SORBS2: variants seen among roughly 807,000 people sequenced by gnomAD.
SORBS2 encodes sorbin and SH3 domain-containing protein 2.
A neutral mutation model predicts 97.7 loss-of-function variants in SORBS2; 46 were observed. The ratio of observed to expected loss-of-function variants is 0.47; its 90% CI spans 0.37 to 0.60. The LOEUF (loss-of-function observed/expected upper bound fraction) is 0.60, where lower values mean the gene tolerates loss of function less well. SORBS2 is among the 20% of genes least tolerant of loss of function. The probability of loss-of-function intolerance (pLI) is 0.00; values close to 1 mark genes in which losing one functional copy is unlikely to be tolerated. For synonymous variants in SORBS2, 476 were observed against 473.4 expected, an observed-to-expected ratio of 1.01 and a Z score of -0.07; for missense variants, 1,316 against 1,282.3, an observed-to-expected ratio of 1.03 and a Z score of -0.40.
intron 5 of SORBS2, 81 bp from the exon 18 acceptor site, chr4:185,627,100 G>T: frequency 8.1e-7 from 1 of 1,235,770 alleles, no homozygotes; most frequent in Non-Finnish European, 1.2e-6. Context: ...GAACGTGCTA[G>T]TGACAATGGC....
chr4:185,782,835 G>C (rs1425843104), intron 1 of SORBS2, among the ~76,000 whole-genome samples: 2 of 152,220 alleles, frequency 1.3e-5, no homozygotes, highest in Non-Finnish European at 2.9e-5. Context: ...TGGGATAGGA[G>C]AGGGCTTGGT....
intron 2 of SORBS2, among the ~76,000 whole-genome samples, chr4:185,723,369 A>T (rs2098531224): frequency 6.6e-6 from 1 of 152,256 alleles, no homozygotes; most frequent in Admixed American, 6.5e-5. Flanking sequence ...TTTAGCTTGC[A>T]TCATGGATCA....
Position 185,587,577 on chromosome 4 carries a change from A to G in SORBS2, c.*50T>C, listed in dbSNP as rs375252999. On this transcript the variant is annotated 3_prime_UTR_variant, in exon 15 of 15. Transcript: ENST00000418609. ...CCCGCGGGGTGTTTCAGGCGCGTTG[A>G]CGCAGGTGCATGGCTGGCAGGCGGC... The G allele has an allele frequency of 5.7e-5, 88 of 1,554,430 alleles. No homozygotes were observed. In the African/African-American group the frequency reaches 1.0e-3, roughly 18 times the overall value.
At chr4:185,709,304 C>CTTT (rs70962587) in intron 2 of SORBS2, among the ~76,000 whole-genome samples, 6 of 96,772 alleles carry the variant, frequency 6.2e-5, no homozygotes, top group East Asian at 3.0e-4. Flanking sequence ...CTGGCCAAAT[C>CTTT]TTTTTTTTTT....
At chr4:185,789,502 A>G (rs1057339204) in intron 1 of SORBS2, among the ~76,000 whole-genome samples, 2 of 150,880 alleles carry the variant, frequency 1.3e-5, no homozygotes, top group South Asian at 4.1e-4. Context: ...TGTGTATTAG[A>G]TAATAGAGTA....
intron 2 of SORBS2, among the ~76,000 whole-genome samples, chr4:185,762,872 T>G (rs972078154): frequency 1.3e-5 from 2 of 152,202 alleles, no homozygotes; most frequent in Non-Finnish European, 1.5e-5. Flanking sequence ...ATATTCAGTA[T>G]TTTTAGTTAA....
At chr4:185,800,548 T>C (rs2099125338) in intron 1 of SORBS2, among the ~76,000 whole-genome samples, 1 of 152,070 alleles carries the variant, frequency 6.6e-6, no homozygotes. Flanking sequence ...CTCTTTGCTG[T>C]CCTCCCTGGG....
At chr4:185,900,318 C>T (rs140829804) in intron 1 of SORBS2, among the ~76,000 whole-genome samples, 1 of 152,304 alleles carries the variant, frequency 6.6e-6, no homozygotes, top group East Asian at 1.9e-4. Context: ...CATACTGACA[C>T]CCAGCAGTGA....
chr4:185,590,544 C>A (rs2095901614), intron 13 of SORBS2, among the ~76,000 whole-genome samples: 1 of 151,958 alleles, frequency 6.6e-6, no homozygotes, highest in Non-Finnish European at 1.5e-5. Context: ...AAATGAGTCC[C>A]AGAAAAATTG....
intron 12 of SORBS2, 53 bp downstream of exon 24, chr4:185,611,727 T>G: frequency 7.1e-7 from 1 of 1,398,746 alleles, no homozygotes; most frequent in Non-Finnish European, 1.0e-6. Context: ...ACACACCGAT[T>G]ATCTTACTTG....
chr4:185,641,328 A>G (rs1205421395), intron 4 of SORBS2, among the ~76,000 whole-genome samples: 1 of 152,220 alleles, frequency 6.6e-6, no homozygotes, highest in Non-Finnish European at 1.5e-5. Flanking sequence ...ATTATCGATA[A>G]CTTTGGAATG....
In SORBS2 at chr4:185,606,680, C is replaced by T. The variant is rs1209354932; in HGVS notation, c.2796+5100G>A. On this transcript the variant is annotated intron_variant, in intron 12 of 14. Transcript: ENST00000418609. The surrounding 1 kb of genome is among the most constrained non-coding windows in gnomAD (Gnocchi z 4.3). ...TGTTTTAGGCAGTTGGGTTTCTCCT[C>T]CTCCTCCTCCTCTTCAATGTGCAGG... The T allele has an allele frequency of 1.0e-6, 1 of 985,054 alleles. No individual in the cohort carries two copies. The highest frequency in any genetic ancestry group is 1.2e-6 in the Non-Finnish European group (1 of 829,808). 61.0% of individuals were successfully genotyped at this position (985,054 alleles called of 1,614,324 possible). A position where few individuals can be genotyped will look rare whatever the true frequency, so the allele number is the denominator to read the frequency against.
intron 4 of SORBS2, among the ~76,000 whole-genome samples, chr4:185,642,956 C>G (rs574269324): frequency 8.5e-5 from 13 of 152,372 alleles, no homozygotes; most frequent in African/African-American, 2.9e-4. Flanking sequence ...CCAACTTTTT[C>G]CACTGACTGC....
At chr4:185,648,271 A>G (rs2097250481) in intron 3 of SORBS2, among the ~76,000 whole-genome samples, 1 of 152,146 alleles carries the variant, frequency 6.6e-6, no homozygotes, top group Admixed American at 6.5e-5. Flanking sequence ...TAATCCTAGC[A>G]CTTTGGGAAG....
intron 1 of SORBS2, among the ~76,000 whole-genome samples, chr4:185,871,126 T>C (rs189544852): frequency 6.6e-6 from 1 of 152,260 alleles, no homozygotes; most frequent in Non-Finnish European, 1.5e-5. Context: ...AATGTTTATG[T>C]CTCGTCTTTA....
chr4:185,657,152 A>G (rs2097420183), upstream of SORBS2: 2 of 330,464 alleles, frequency 6.1e-6, no homozygotes, highest in South Asian at 2.0e-4. Context: ...CAAACAAACA[A>G]ACAAACTAAA....
intron 12 of SORBS2, among the ~76,000 whole-genome samples, chr4:185,604,211 TG>T (rs1170075162): frequency 6.6e-6 from 1 of 152,276 alleles, no homozygotes; most frequent in African/African-American, 2.4e-5. Context: ...GCCACGCCCA[TG>T]ATGTTAAAAG....
chr4:185,706,123 T>C (rs1349337947), intron 2 of SORBS2, among the ~76,000 whole-genome samples: 1 of 152,244 alleles, frequency 6.6e-6, no homozygotes, highest in African/African-American at 2.4e-5. Flanking sequence ...CATGAAAATA[T>C]TATGCTTGCC....
At chr4:185,865,094 G>T (rs974796270) in intron 1 of SORBS2, among the ~76,000 whole-genome samples, 1 of 152,052 alleles carries the variant, frequency 6.6e-6, no homozygotes, top group East Asian at 1.9e-4. Flanking sequence ...TGAAAGCTCA[G>T]TTTCGACATT....
Sources: allele counts gnomAD v4.1 joint callset (sites outside exome capture counted in the v4.1 genomes callset), GRCh38; gene constraint gnomAD v4.1.1; non-coding constraint Gnocchi (gnomAD v3.1); transcripts MANE v1.5; gene names NCBI Gene and HGNC (gene_info 2026-07-23, HGNC 2026-07-21).